Variants in NTN1 observed in about 807,000 individuals in gnomAD.
NTN1 encodes the protein netrin 1, also known as netrin-1.
In NTN1, 11 loss-of-function variants were observed where a neutral mutation model predicts 54.2. The ratio of observed to expected loss-of-function variants is 0.20; its 90% confidence interval spans 0.13 to 0.34. NTN1 has a LOEUF of 0.34. NTN1 is among the 10% of genes least tolerant of loss of function. The probability of loss-of-function intolerance (pLI) is 1.00; values close to 1 mark genes in which losing one functional copy is unlikely to be tolerated. For synonymous variants in NTN1, 371 were observed against 382.0 expected (o/e 0.97, Z 0.33); for missense variants, 740 against 893.1 (o/e 0.83, Z 2.18).
intron 2 of NTN1, among the ~76,000 whole-genome samples, chr17:9,113,748 CAGAGTA>C (rs1319937265): frequency 6.6e-6 from 1 of 151,994 alleles, no homozygotes; most frequent in African/African-American, 2.4e-5. Context: ...CCATATGGTA[CAGAGTA>C]AGAGGCAGAT....
chr17:9,084,118 T>C (rs1178634840), intron 2 of NTN1, among the ~76,000 whole-genome samples: 1 of 152,208 alleles, frequency 6.6e-6, no homozygotes, highest in African/African-American at 2.4e-5. Flanking sequence ...AAATGCAGAA[T>C]TGTTAACTTT....
chr17:9,018,221 TGA>T (rs1045314662), upstream of NTN1, among the ~76,000 whole-genome samples: 1 of 152,060 alleles, frequency 6.6e-6, no homozygotes, highest in African/African-American at 2.4e-5. Flanking sequence ...AACTGGAAGG[TGA>T]CCCCGCTCAT....
chr17:9,067,216 AAGATT>A (rs1161917877), intron 2 of NTN1, among the ~76,000 whole-genome samples: 1 of 150,994 alleles, frequency 6.6e-6, no homozygotes, highest in African/African-American at 2.4e-5. Flanking sequence ...GCAGTGAGCC[AAGATT>A]GTGCCACTGT....
At chr17:9,166,170 ACCACCACCACCACC>A (rs2092372597) in intron 3 of NTN1, among the ~76,000 whole-genome samples, 1 of 66,704 alleles carries the variant, frequency 1.5e-5, no homozygotes, top group Non-Finnish European at 3.2e-5. Context: ...CACCACCACC[ACCACCACCACCACC>A]ACCACCACCA....
At chr17:9,078,538 T>C (rs537400148) in intron 2 of NTN1, among the ~76,000 whole-genome samples, 65 of 152,358 alleles carry the variant, frequency 4.3e-4, no homozygotes, top group East Asian at 1.9e-4. Flanking sequence ...GCTTCAGCCT[T>C]ACCACATTTC....
In NTN1 at chr17:9,239,855, A is replaced by G. The variant is rs1289958693; in HGVS notation, c.1702A>G (p.Ser568Gly). The G allele has an allele frequency of 7.4e-6, 12 of 1,612,740 alleles. No homozygotes were observed. The East Asian group carries it at 2.7e-4, about 36-fold the overall frequency. ...LGNAEDSPDQ[S>G]GIVADKSSLV... ...CAACGCGGAGGACTCTCCGGACCAG[A>G]GCGGCATCGTGGCCGATAAAAGCAG... Residue 568 changes from serine to glycine, a missense_variant, in exon 7 of 7, where the codon AGC becomes GGC. By Grantham distance (56) the Ser-to-Gly change is moderately conservative. Transcript: ENST00000173229. The surrounding 1 kb of genome is among the most constrained non-coding windows in gnomAD (Gnocchi z 5.2).
chr17:9,069,256 A>G (rs1382614518), intron 2 of NTN1, among the ~76,000 whole-genome samples: 2 of 152,066 alleles, frequency 1.3e-5, no homozygotes, highest in South Asian at 4.2e-4. Context: ...GAATTTTCCT[A>G]TTAAAACATT....
intron 6 of NTN1, among the ~76,000 whole-genome samples, chr17:9,227,334 TAC>T (rs1219014286): frequency 7.0e-6 from 1 of 142,062 alleles, no homozygotes; most frequent in Non-Finnish European, 1.5e-5. Flanking sequence ...CAAACACAGA[TAC>T]ACAGACTATC....
intron 2 of NTN1, among the ~76,000 whole-genome samples, chr17:9,066,175 T>A (rs6503175): frequency 6.6e-6 from 1 of 152,020 alleles, no homozygotes; most frequent in Non-Finnish European, 1.5e-5. Flanking sequence ...TAATCCCAGC[T>A]ACTCAGGAAG....
chr17:9,122,997 G>A (rs2092236056), intron 2 of NTN1, among the ~76,000 whole-genome samples: 1 of 152,058 alleles, frequency 6.6e-6, no homozygotes, highest in African/African-American at 2.4e-5. Context: ...GCTTTGTTGG[G>A]CTGAGTGCTC....
chr17:9,127,010 G>A (rs1003406762), intron 2 of NTN1, among the ~76,000 whole-genome samples: 7 of 150,928 alleles, frequency 4.6e-5, no homozygotes, highest in East Asian at 4.0e-4. Context: ...TCAGGGAGGC[G>A]GAGGGAGGCC....
At chr17:9,009,802 C>T in the NTN1 span, among the ~76,000 whole-genome samples, 9 of 152,258 alleles carry the variant, frequency 5.9e-5, no homozygotes, top group Non-Finnish European at 8.8e-5. Context: ...CCTAAGTTAG[C>T]GGAATTGAAT....
chr17:9,079,090 G>A (rs1007681715), intron 2 of NTN1, among the ~76,000 whole-genome samples: 4 of 152,116 alleles, frequency 2.6e-5, no homozygotes, highest in Non-Finnish European at 4.4e-5. Context: ...GCAGGAAGAG[G>A]GCCTGAGATG....
At chr17:9,084,841 T>C (rs968233412) in intron 2 of NTN1, among the ~76,000 whole-genome samples, 1 of 151,852 alleles carries the variant, frequency 6.6e-6, no homozygotes, top group African/African-American at 2.4e-5. Flanking sequence ...TTAGTAGAGA[T>C]GGGGTTTCAC....
Position 9,188,850 on chromosome 17 carries a change from G to C in NTN1, c.1411+5881G>C, listed in dbSNP as rs554851178. Among the ~76,000 whole-genome samples, 168 of 152,304 alleles carry C rather than the reference G, an allele frequency of 1.1e-3. 2 individuals carry two copies. The South Asian group carries it at 0.035, about 31-fold the overall frequency. On this transcript the variant is annotated intron_variant, in intron 5 of 6. Coordinates refer to ENST00000173229, the MANE Select transcript of NTN1 (RefSeq NM_004822.3). ...TCCACAGAGGAGACCACTGACAGGA[G>C]GGGGGATCACTGGAGACCGTGCAGA...
chr17:9,228,796 T>A (rs954859166), intron 6 of NTN1, among the ~76,000 whole-genome samples: 4 of 150,314 alleles, frequency 2.7e-5, no homozygotes, highest in Non-Finnish European at 5.9e-5. Flanking sequence ...TTGGCATCTG[T>A]GGGGAGAAGC....
chr17:9,013,875 A>T, the NTN1 span, among the ~76,000 whole-genome samples: 3 of 152,184 alleles, frequency 2.0e-5, no homozygotes, highest in Non-Finnish European at 2.9e-5. Context: ...CTACACAGTG[A>T]CCCATTTTCT....
rs146763496 is a variant in NTN1 at position 9,151,935 on chromosome 17, C to T, written c.1019-10878C>T. Among the ~76,000 whole-genome samples the T allele has an allele frequency of 2.0e-3, 311 of 152,280 alleles. 1 individual carries two copies. The highest frequency in any genetic ancestry group is 6.9e-3 in the African/African-American group (285 of 41,554). ...ATGCACCAATCAGCACTCTGTAAAA[C>T]GCATCAATCAGCCCGAGTCTAAAAG... On this transcript the variant is annotated intron_variant, in intron 2 of 6. Transcript: ENST00000173229.
chr17:9,099,651 ATGTC>A (rs1288848120), intron 2 of NTN1, among the ~76,000 whole-genome samples: 1 of 152,150 alleles, frequency 6.6e-6, no homozygotes, highest in Non-Finnish European at 1.5e-5. Flanking sequence ...TGGAGGTAAA[ATGTC>A]TGTTCAAAAG....
Sources: gnomAD v4.1 joint callset for allele counts (sites outside exome capture counted in the v4.1 genomes callset) on GRCh38, gnomAD v4.1.1 for gene constraint, Gnocchi (gnomAD v3.1) non-coding constraint, MANE v1.5 for transcripts, NCBI Gene and HGNC (gene_info 2026-07-23, HGNC 2026-07-21) for gene names.